DAPL1: variants seen among roughly 807,000 people sequenced by gnomAD.
The protein encoded by DAPL1 is death-associated protein-like 1.
Under a neutral mutation model 12.9 loss-of-function variants are expected in DAPL1, and 17 were observed. That is an observed-to-expected ratio of 1.32 (90% CI 0.90 to 1.98). The LOEUF is 1.98. DAPL1 is among the 30% of genes most tolerant of loss of function. The probability of loss-of-function intolerance (pLI) is 0.00; values close to 1 mark genes in which losing one functional copy is unlikely to be tolerated. For missense variants in DAPL1, 157 were observed against 125.7 expected, an observed-to-expected ratio of 1.25 and a Z score of -1.19; for synonymous variants, 51 against 42.0, an observed-to-expected ratio of 1.21 and a Z score of -0.82.
At chr2:158,797,083 C>T (rs2059138479) in intron 1 of DAPL1, among the ~76,000 whole-genome samples, 1 of 152,232 alleles carries the variant, frequency 6.6e-6, no homozygotes, top group African/African-American at 2.4e-5. Flanking sequence ...TAATTTTTCA[C>T]TTGATTTTTA....
At chr2:158,795,723 C>T (rs2059131019) in intron 1 of DAPL1, among the ~76,000 whole-genome samples, 1 of 152,162 alleles carries the variant, frequency 6.6e-6, no homozygotes, top group Non-Finnish European at 1.5e-5. Context: ...TCCCTCGAGG[C>T]AGCATTCCTT....
At chr2:158,815,642 G>A in intron 3 of DAPL1, 63 bp from the exon 4 acceptor site, 1 of 1,012,312 alleles carries the variant, frequency 9.9e-7, no homozygotes. Flanking sequence ...CTTTCTACTA[G>A]TTTAATATTT....
chr2:158,808,627 T>C (rs954127537), intron 3 of DAPL1, among the ~76,000 whole-genome samples: 4 of 152,150 alleles, frequency 2.6e-5, no homozygotes, highest in African/African-American at 9.7e-5. Flanking sequence ...CGATTTAGGG[T>C]GAAGTCATAA....
At chr2:158,810,427 A>C (rs2059224286) in intron 3 of DAPL1, among the ~76,000 whole-genome samples, 1 of 152,142 alleles carries the variant, frequency 6.6e-6, no homozygotes, top group Admixed American at 6.5e-5. Context: ...TCTCATACTT[A>C]TTTTAAGAAA....
In DAPL1 at chr2:158,804,494, G is replaced by A. The variant is rs549565213; in HGVS notation, c.146+125G>A. ...AGGCAGCCAGAGAAGGGGGCAGGAGGGGGAGGGCGTGATCCGTGGTGACTT... is the reference window on the plus strand; with the variant it reads ...AGGCAGCCAGAGAAGGGGGCAGGAGAGGGAGGGCGTGATCCGTGGTGACTT... On this transcript the variant is annotated intron_variant, in intron 2 of 3. Transcript: ENST00000309950. The A allele has an allele frequency of 4.9e-5, 32 of 652,650 alleles. No individual in the cohort carries two copies. In the Admixed American group the frequency reaches 6.4e-4, roughly 13 times the overall value. The allele number at this position is 652,650 out of a possible 1,614,324, so 40.4% of individuals were successfully genotyped here. A position where few individuals can be genotyped will look rare whatever the true frequency, so the allele number is the denominator to read the frequency against.
chr2:158,815,771 G>T lies in DAPL1; in HGVS notation c.274G>T (p.Val92Phe), dbSNP rs758941180. ...AAAACCCACACCTGCTCTGGAAAAG[G>T]TTGTTCCACTGAAAAGGATCTACAT... ...HQKPTPALEK[V>F]VPLKRIYIIQ... The change falls in exon 4 of 4, where the codon GTT becomes TTT. Residue 92 changes from valine (V) to phenylalanine (F), a missense_variant. By Grantham distance (50) the Val-to-Phe change is conservative. Transcript: ENST00000309950. 14 of 1,614,076 alleles carry T rather than the reference G, an allele frequency of 8.7e-6. No individual in the cohort carries two copies. The highest frequency in any genetic ancestry group is 1.2e-5 in the Non-Finnish European group (14 of 1,179,974).
At chr2:158,809,853 A>G (rs759736520) in intron 3 of DAPL1, among the ~76,000 whole-genome samples, 5 of 152,188 alleles carry the variant, frequency 3.3e-5, no homozygotes, top group Middle Eastern at 3.2e-3. Flanking sequence ...CCATATAGCT[A>G]AGAAAAATCT....
At position 158,815,836 on chromosome 2, in the gene DAPL1, C is replaced by G; in HGVS notation, c.*15C>G. 6.4e-7 allele frequency: 1 copy of G among 1,572,136 alleles called. No homozygotes were observed. Among genetic ancestry groups the G allele is most frequent in the Non-Finnish European group, 8.8e-7 (1 of 1,141,530 alleles). ...GAAAATGTTAAGCCTGGATTTAAAACACAGCCGTCTGGCCAGCTGCCTCGA... is the reference window on the plus strand; with the variant it reads ...GAAAATGTTAAGCCTGGATTTAAAAGACAGCCGTCTGGCCAGCTGCCTCGA... On this transcript the variant is annotated 3_prime_UTR_variant, in exon 4 of 4. Transcript: ENST00000309950.
At chr2:158,795,516 G>C in intron 1 of DAPL1, 86 bp downstream of exon 1, 1 of 1,300,740 alleles carries the variant, frequency 7.7e-7, no homozygotes, top group Non-Finnish European at 1.1e-6. Context: ...CCGACAGACG[G>C]AAGCTTCTCT....
At chr2:158,812,306 C>A (rs545137993) in intron 3 of DAPL1, among the ~76,000 whole-genome samples, 2 of 152,324 alleles carry the variant, frequency 1.3e-5, no homozygotes, top group South Asian at 2.1e-4. Flanking sequence ...GCCACAGGGG[C>A]TGACTTTGTT....
intron 1 of DAPL1, among the ~76,000 whole-genome samples, chr2:158,797,225 T>C (rs1354493681): frequency 6.6e-6 from 1 of 152,062 alleles, no homozygotes; most frequent in East Asian, 1.9e-4. Context: ...CGAGCCTGAG[T>C]TTCCTCATCT....
In DAPL1 at chr2:158,813,266, C is replaced by T. The variant is rs534321437; in HGVS notation, c.208-2439C>T. Reference sequence around the variant, plus strand: ...TGGAGAATTACTGTTTAATTGGTACCGAGTCTCAGTTTAGGATGATGAAAA... The same window carrying T: ...TGGAGAATTACTGTTTAATTGGTACTGAGTCTCAGTTTAGGATGATGAAAA... On this transcript the variant is annotated intron_variant, in intron 3 of 3. Coordinates refer to ENST00000309950, the MANE Select transcript of DAPL1 (RefSeq NM_001017920.3). Among the ~76,000 whole-genome samples the T allele has an allele frequency of 4.6e-5, 7 of 152,092 alleles. No individual in the cohort carries two copies. In the East Asian group the frequency reaches 7.8e-4, roughly 17 times the overall value.
rs1194063310 is a variant in DAPL1 at position 158,815,768 on chromosome 2, A to G, written c.271A>G (p.Lys91Glu). 6.2e-7 allele frequency: 1 copy of G among 1,614,066 alleles called. No individual in the cohort carries two copies. The highest frequency in any genetic ancestry group is 2.2e-5 in the East Asian group (1 of 44,904). Residue 91 changes from lysine to glutamate, a missense_variant, in exon 4 of 4, where the codon AAG becomes GAG. Physicochemically the swap from Lys to Glu is moderately conservative, Grantham distance 56. Coordinates refer to ENST00000309950, the MANE Select transcript of DAPL1 (RefSeq NM_001017920.3). ...TCAAAAACCCACACCTGCTCTGGAA[A>G]AGGTTGTTCCACTGAAAAGGATCTA... ...AHQKPTPALE[K>E]VVPLKRIYII...
At chr2:158,803,884 A>G (rs1388471889) in intron 1 of DAPL1, among the ~76,000 whole-genome samples, 1 of 152,208 alleles carries the variant, frequency 6.6e-6, no homozygotes, top group Non-Finnish European at 1.5e-5. Context: ...AGCCACGCAC[A>G]ACTTTAATCT....
At chr2:158,798,150 T>G (rs1043064667) in intron 1 of DAPL1, among the ~76,000 whole-genome samples, 26 of 152,352 alleles carry the variant, frequency 1.7e-4, no homozygotes, top group African/African-American at 5.8e-4. Context: ...TTTCCTGCAC[T>G]TTTTAATTGG....
chr2:158,813,693 C>G (rs565583632), intron 3 of DAPL1, among the ~76,000 whole-genome samples: 2 of 151,916 alleles, frequency 1.3e-5, no homozygotes, highest in East Asian at 3.9e-4. Context: ...GTAGCTGGGA[C>G]TACAGTCGCT....
chr2:158,813,420 AT>A (rs975089347), intron 3 of DAPL1, among the ~76,000 whole-genome samples: 1 of 152,134 alleles, frequency 6.6e-6, no homozygotes, highest in Non-Finnish European at 1.5e-5. Context: ...TCTTAGCACA[AT>A]TTTTTTATAT....
At chr2:158,810,876 C>T (rs13415791) in intron 3 of DAPL1, among the ~76,000 whole-genome samples, 2,388 of 152,272 alleles carry the variant, frequency 0.016, 63 homozygotes, top group African/African-American at 0.054. Flanking sequence ...CAAGTTCCAC[C>T]CACTACTTAG....
At chr2:158,809,069 A>G (rs1394600877) in intron 3 of DAPL1, among the ~76,000 whole-genome samples, 1 of 152,056 alleles carries the variant, frequency 6.6e-6, no homozygotes, top group Non-Finnish European at 1.5e-5. Flanking sequence ...TGTTAGAAAT[A>G]TTTTTAACAG....
Sources: allele counts gnomAD v4.1 joint callset (sites outside exome capture counted in the v4.1 genomes callset), GRCh38; gene constraint gnomAD v4.1.1; transcripts MANE v1.5; gene names NCBI Gene and HGNC (gene_info 2026-07-23, HGNC 2026-07-21).